The following FGGY variants were observed in gnomAD, a reference collection of about 807,000 sequenced individuals.
FGGY encodes the protein FGGY carbohydrate kinase domain-containing protein.
In FGGY, 72 loss-of-function variants were observed where a neutral mutation model predicts 71.3. The observed-to-expected ratio is 1.01, with a 90% CI of 0.84 to 1.23. The LOEUF is 1.23. Ranked by LOEUF, FGGY falls within the 50% of genes most tolerant of loss-of-function variation. FGGY has a pLI of 0.00. For missense variants in FGGY, 668 were observed against 682.3 expected, an observed-to-expected ratio of 0.98 and a Z score of 0.23; for synonymous variants, 251 against 250.3, an observed-to-expected ratio of 1.00 and a Z score of -0.02.
intron 12 of FGGY, among the ~76,000 whole-genome samples, chr1:59,665,887 A>G (rs966599948): frequency 2.0e-5 from 3 of 152,010 alleles, no homozygotes; most frequent in Non-Finnish European, 4.4e-5. Context: ...ATTAGCCAGG[A>G]TGGTCCCGAT....
intron 4 of FGGY, among the ~76,000 whole-genome samples, chr1:59,375,063 A>C (rs1411857727): frequency 6.8e-6 from 1 of 146,892 alleles, no homozygotes; most frequent in Non-Finnish European, 1.5e-5. Flanking sequence ...CTTAAAGTAT[A>C]ATAATAATAA....
At chr1:59,622,522 A>G (rs969699846) in intron 9 of FGGY, among the ~76,000 whole-genome samples, 1 of 152,186 alleles carries the variant, frequency 6.6e-6, no homozygotes, top group East Asian at 1.9e-4. Context: ...AACATGTCCT[A>G]AAATCTCTGT....
At chr1:59,653,681 C>G (rs917312344) in intron 11 of FGGY, among the ~76,000 whole-genome samples, 4 of 152,196 alleles carry the variant, frequency 2.6e-5, no homozygotes, top group African/African-American at 9.6e-5. Context: ...GAACCCGGTA[C>G]CTCAGATGGA....
intron 14 of FGGY, among the ~76,000 whole-genome samples, chr1:59,702,747 G>GT (rs1270329141): frequency 1.3e-5 from 2 of 152,148 alleles, no homozygotes; most frequent in African/African-American, 4.8e-5. Flanking sequence ...TCTAAATTTA[G>GT]TCTCTATCAG....
At chr1:59,696,965 A>T (rs1217728933) in intron 14 of FGGY, among the ~76,000 whole-genome samples, 2 of 144,256 alleles carry the variant, frequency 1.4e-5, no homozygotes, top group Non-Finnish European at 1.5e-5. Flanking sequence ...CATCCATATG[A>T]AACACGCAAA....
chr1:59,621,459 C>CAAAAAA (rs56172542), intron 9 of FGGY, among the ~76,000 whole-genome samples: 7 of 98,780 alleles, frequency 7.1e-5, no homozygotes, highest in African/African-American at 1.2e-4. Flanking sequence ...GCCTCCGTCT[C>CAAAAAA]AAAAAAAAAA....
At chr1:59,481,897 A>T (rs936918035) in intron 6 of FGGY, among the ~76,000 whole-genome samples, 10 of 152,144 alleles carry the variant, frequency 6.6e-5, no homozygotes, top group African/African-American at 2.2e-4. Context: ...ATGTATTTGG[A>T]TCTATTTCAC....
chr1:59,590,748 C>G (rs1404240202), intron 8 of FGGY, among the ~76,000 whole-genome samples: 2 of 152,120 alleles, frequency 1.3e-5, no homozygotes, highest in Admixed American at 1.3e-4. Flanking sequence ...ACGCCTTATG[C>G]TAAAAACTCT....
intron 14 of FGGY, among the ~76,000 whole-genome samples, chr1:59,698,360 C>T (rs1030884531): frequency 6.6e-6 from 1 of 152,154 alleles, no homozygotes; most frequent in South Asian, 2.1e-4. Context: ...AGAACCATGC[C>T]CACCCCGCAG....
intron 8 of FGGY, among the ~76,000 whole-genome samples, chr1:59,570,167 A>G (rs1313359056): frequency 6.6e-6 from 1 of 152,166 alleles, no homozygotes; most frequent in Non-Finnish European, 1.5e-5. Context: ...GTCTTGCTGG[A>G]AGGGATATAT....
intron 6 of FGGY, among the ~76,000 whole-genome samples, chr1:59,494,853 T>C (rs967735084): frequency 5.3e-5 from 8 of 152,220 alleles, no homozygotes; most frequent in African/African-American, 1.9e-4. Flanking sequence ...TTTGGGTATA[T>C]ACCTACTAAT....
chr1:59,418,857 T>A (rs932077476), intron 5 of FGGY, among the ~76,000 whole-genome samples: 2 of 152,164 alleles, frequency 1.3e-5, no homozygotes, highest in South Asian at 4.1e-4. Flanking sequence ...AGGCCATAAA[T>A]GAATGGACAT....
intron 8 of FGGY, among the ~76,000 whole-genome samples, chr1:59,579,650 C>A (rs894726923): frequency 1.3e-5 from 2 of 152,102 alleles, no homozygotes; most frequent in African/African-American, 4.8e-5. Flanking sequence ...ATGGAATCCA[C>A]CAATGTGGAC....
chr1:59,373,969 A>T (rs1392963586), intron 4 of FGGY, among the ~76,000 whole-genome samples: 2 of 152,234 alleles, frequency 1.3e-5, no homozygotes, highest in Non-Finnish European at 2.9e-5. Context: ...AACCCAGGCA[A>T]TACCATTCAG....
Position 59,742,484 on chromosome 1 carries a change from C to T in FGGY, c.1513-15447C>T, listed in dbSNP as rs1012762064. Among the ~76,000 whole-genome samples, 12 of 152,358 alleles carry T rather than the reference C, an allele frequency of 7.9e-5. No homozygotes were observed. The South Asian group carries it at 2.3e-3, about 29-fold the overall frequency. On this transcript the variant is annotated intron_variant, in intron 14 of 15. Coordinates refer to ENST00000303721, the MANE Select transcript of FGGY (RefSeq NM_018291.5). Reference sequence around the variant, plus strand: ...AATTCCTTTTCTAGTTTTCCTTTCTCCTCTCCCCAATATTATATGGTAGTC... The same window carrying T: ...AATTCCTTTTCTAGTTTTCCTTTCTTCTCTCCCCAATATTATATGGTAGTC...
intron 8 of FGGY, among the ~76,000 whole-genome samples, chr1:59,602,170 T>C (rs1050632364): frequency 6.6e-6 from 1 of 152,052 alleles, no homozygotes; most frequent in Non-Finnish European, 1.5e-5. Flanking sequence ...CTAAGGAGAG[T>C]TAGTTATAGA....
chr1:59,573,697 G>A (rs1321503553), intron 8 of FGGY, among the ~76,000 whole-genome samples: 1 of 152,132 alleles, frequency 6.6e-6, no homozygotes, highest in Non-Finnish European at 1.5e-5. Context: ...GCATAACCAT[G>A]AGTTAATATA....
At chr1:59,527,856 T>G (rs577543498) in intron 7 of FGGY, among the ~76,000 whole-genome samples, 1 of 152,222 alleles carries the variant, frequency 6.6e-6, no homozygotes, top group Non-Finnish European at 1.5e-5. Context: ...ATAAAAAGAT[T>G]ATTTCAATTT....
chr1:59,696,567 C>A (rs901196322), intron 14 of FGGY, among the ~76,000 whole-genome samples: 1 of 152,164 alleles, frequency 6.6e-6, no homozygotes, highest in African/African-American at 2.4e-5. Flanking sequence ...TGGCGGGGGC[C>A]CAGGACTAAA....
Sources: gnomAD v4.1 joint callset for allele counts (sites outside exome capture counted in the v4.1 genomes callset) on GRCh38, gnomAD v4.1.1 for gene constraint, MANE v1.5 for transcripts, NCBI Gene and HGNC (gene_info 2026-07-23, HGNC 2026-07-21) for gene names.